Variants in FANCC observed in about 807,000 individuals in gnomAD.
The protein encoded by FANCC is Fanconi anemia group C protein.
In FANCC, 55 loss-of-function variants were observed where a neutral mutation model predicts 71.3. That is an observed-to-expected ratio of 0.77 (90% CI 0.62 to 0.97). FANCC has a LOEUF of 0.97. Among genes scored for constraint, FANCC ranks in the 50% least tolerant of loss-of-function variants. The pLI is 0.00. For synonymous variants in FANCC, 275 were observed against 244.9 expected, an observed-to-expected ratio of 1.12 and a Z score of -1.15; for missense variants, 678 against 670.9, an observed-to-expected ratio of 1.01 and a Z score of -0.12.
intron 13 of FANCC, chr9:95,110,132 C>A (rs1157151018): frequency 1.0e-5 from 5 of 493,064 alleles, no homozygotes; most frequent in Admixed American, 1.3e-4. Context: ...TCCTAGGCAT[C>A]CCCTGAGGGA....
intron 1 of FANCC, among the ~76,000 whole-genome samples, chr9:95,303,267 G>GCATT (rs1443895097): frequency 2.6e-5 from 4 of 152,140 alleles, no homozygotes; most frequent in African/African-American, 9.7e-5. Context: ...ATTGACTATG[G>GCATT]CATTGGTCAG....
At chr9:95,217,250 C>T (rs898880907) in intron 4 of FANCC, among the ~76,000 whole-genome samples, 5 of 152,130 alleles carry the variant, frequency 3.3e-5, no homozygotes, top group African/African-American at 1.2e-4. Flanking sequence ...CTTTGGGAGG[C>T]CGAGGTGGGT....
intron 4 of FANCC, among the ~76,000 whole-genome samples, chr9:95,173,929 T>A (rs1825849660): frequency 6.6e-6 from 1 of 152,152 alleles, no homozygotes; most frequent in African/African-American, 2.4e-5. Flanking sequence ...ATAATTTTAA[T>A]AGTATTTAAA....
chr9:95,129,890 TC>T (rs1211668428), intron 8 of FANCC, among the ~76,000 whole-genome samples: 2 of 152,136 alleles, frequency 1.3e-5, no homozygotes, highest in Non-Finnish European at 2.9e-5. Context: ...TGGGTGTGCA[TC>T]CCCTTGGGCT....
At position 95,171,427 on chromosome 9, in the gene FANCC, GT is replaced by G. The variant is rs1439043372; in HGVS notation, c.457-285del. On this transcript the variant is annotated intron_variant, in intron 5 of 14. Coordinates refer to ENST00000289081, the MANE Select transcript of FANCC (RefSeq NM_000136.3). Reference sequence around the variant, plus strand: ...ACCAAATCCATTTAAAGAAAAGTTAGTTTACTTCTTCATTTAAAATTCAGTT... The same window carrying G: ...ACCAAATCCATTTAAAGAAAAGTTAGTTACTTCTTCATTTAAAATTCAGTT... 2.0e-4 allele frequency among the ~76,000 whole-genome samples: 30 copies of G among 147,766 alleles called. No individual in the cohort carries two copies. In the East Asian group the frequency reaches 5.5e-3, roughly 27 times the overall value.
intron 1 of FANCC, among the ~76,000 whole-genome samples, chr9:95,291,961 AAAAAAAATAT>A (rs1564833434): frequency 9.6e-6 from 1 of 104,292 alleles, no homozygotes; most frequent in African/African-American, 3.3e-5. Context: ...AAAAAAAAAA[AAAAAAAATAT>A]ATATATATAT....
intron 7 of FANCC, among the ~76,000 whole-genome samples, chr9:95,143,724 C>T (rs898789923): frequency 6.6e-6 from 1 of 152,176 alleles, no homozygotes; most frequent in Non-Finnish European, 1.5e-5. Context: ...ATTCGGATGA[C>T]CTCAGAGGAC....
intron 1 of FANCC, among the ~76,000 whole-genome samples, chr9:95,255,749 T>A (rs1831617041): frequency 6.6e-6 from 1 of 151,954 alleles, no homozygotes; most frequent in African/African-American, 2.4e-5. Flanking sequence ...AACAAACTCC[T>A]CCAAGCTAAA....
intron 4 of FANCC, among the ~76,000 whole-genome samples, chr9:95,225,493 C>T (rs907409488): frequency 2.0e-5 from 3 of 152,260 alleles, no homozygotes; most frequent in Admixed American, 6.5e-5. Flanking sequence ...AGAAGGGGAG[C>T]TGGTCAATGT....
chr9:95,101,060 T>G lies in FANCC; in HGVS notation c.*647A>C, dbSNP rs1464261646. ...CCTTCGCCTGCCGGCTCCTCTGATGTCCCAAGGGCCTTTTGGTAGCAGTTA... is the reference window on the plus strand; with the variant it reads ...CCTTCGCCTGCCGGCTCCTCTGATGGCCCAAGGGCCTTTTGGTAGCAGTTA... On this transcript the variant is annotated 3_prime_UTR_variant, in exon 15 of 15. Coordinates refer to ENST00000289081, the MANE Select transcript of FANCC (RefSeq NM_000136.3). 1 of 234,266 alleles carries G rather than the reference T, an allele frequency of 4.3e-6. No individual in the cohort carries two copies. Among genetic ancestry groups the G allele is most frequent in the African/African-American group, 2.2e-5 (1 of 45,366 alleles). The allele number at this position is 234,266 out of a possible 1,614,324, so 14.5% of individuals were successfully genotyped here.
intron 1 of FANCC, among the ~76,000 whole-genome samples, chr9:95,308,234 T>G (rs1048220382): frequency 2.0e-5 from 3 of 152,088 alleles, no homozygotes; most frequent in African/African-American, 4.8e-5. Flanking sequence ...TTAAACATCT[T>G]AGGCTTAATT....
chr9:95,217,149 CAG>C (rs1245380671), intron 4 of FANCC, among the ~76,000 whole-genome samples: 1 of 152,056 alleles, frequency 6.6e-6, no homozygotes, highest in Non-Finnish European at 1.5e-5. Context: ...ACATCAGTAA[CAG>C]AAAGATATGT....
intron 1 of FANCC, among the ~76,000 whole-genome samples, chr9:95,288,691 T>A (rs1477090275): frequency 6.6e-6 from 1 of 152,152 alleles, no homozygotes; most frequent in Non-Finnish European, 1.5e-5. Flanking sequence ...AGTTTGTTGA[T>A]AATCTGAATC....
At chr9:95,228,947 A>C (rs552464596) in intron 4 of FANCC, among the ~76,000 whole-genome samples, 1 of 152,162 alleles carries the variant, frequency 6.6e-6, no homozygotes, top group African/African-American at 2.4e-5. Context: ...TGGACTTTGC[A>C]TTTCACTTTG....
At chr9:95,105,550 C>T (rs1168021609) in intron 14 of FANCC, among the ~76,000 whole-genome samples, 1 of 152,060 alleles carries the variant, frequency 6.6e-6, no homozygotes, top group Non-Finnish European at 1.5e-5. Context: ...TGCTGTTTTA[C>T]CCATTTGTGT....
intron 4 of FANCC, among the ~76,000 whole-genome samples, chr9:95,197,247 C>CG (rs1255276949): frequency 1.3e-5 from 2 of 152,172 alleles, no homozygotes; most frequent in Non-Finnish European, 2.9e-5. Flanking sequence ...GTTAAAAAAG[C>CG]CAACTATAGC....
chr9:95,104,457 C>T (rs990915619), intron 14 of FANCC, among the ~76,000 whole-genome samples: 1 of 152,104 alleles, frequency 6.6e-6, no homozygotes, highest in African/African-American at 2.4e-5. Context: ...CCTCTGTGCT[C>T]CTGAGGGTTC....
intron 8 of FANCC, among the ~76,000 whole-genome samples, chr9:95,133,871 G>T (rs1322682968): frequency 6.6e-6 from 1 of 152,186 alleles, no homozygotes; most frequent in Non-Finnish European, 1.5e-5. Flanking sequence ...CTGTCAGAGG[G>T]CTTCTGAAAG....
At chr9:95,118,853 G>A (rs2072645467) in intron 10 of FANCC, among the ~76,000 whole-genome samples, 1 of 152,202 alleles carries the variant, frequency 6.6e-6, no homozygotes, top group Admixed American at 6.5e-5. Flanking sequence ...GTTTGGGGCT[G>A]TCATGAATAA....
Sources: gnomAD v4.1 joint callset for allele counts (sites outside exome capture counted in the v4.1 genomes callset) on GRCh38, gnomAD v4.1.1 for gene constraint, MANE v1.5 for transcripts, NCBI Gene and HGNC (gene_info 2026-07-23, HGNC 2026-07-21) for gene names.